Variants in GALNTL6 observed in about 807,000 individuals in gnomAD.
GALNTL6 encodes polypeptide N-acetylgalactosaminyltransferase-like 6.
In GALNTL6, 46 loss-of-function variants were observed where a neutral mutation model predicts 73.7. That is an observed-to-expected ratio of 0.62 (90% CI 0.49 to 0.80). The LOEUF is 0.80. Among genes scored for constraint, GALNTL6 ranks in the 30% least tolerant of loss-of-function variants. GALNTL6 has a pLI of 0.00. For synonymous variants in GALNTL6, 259 were observed against 263.7 expected (o/e 0.98, Z 0.17); for missense variants, 604 against 755.0 (o/e 0.80, Z 2.34).
chr4:171,941,505 A>T (rs1162437454), intron 2 of GALNTL6, among the ~76,000 whole-genome samples: 5 of 152,208 alleles, frequency 3.3e-5, no homozygotes, highest in Non-Finnish European at 5.9e-5. Context: ...ACAGTATGGG[A>T]CACGTTAAAG....
chr4:171,914,573 C>T (rs960677372), intron 2 of GALNTL6, among the ~76,000 whole-genome samples: 1 of 151,096 alleles, frequency 6.6e-6, no homozygotes, highest in African/African-American at 2.4e-5. Context: ...ACACGGGCTA[C>T]CATGCCCAAT....
At chr4:172,330,253 A>T (rs1233089174) in intron 4 of GALNTL6, among the ~76,000 whole-genome samples, 1 of 151,958 alleles carries the variant, frequency 6.6e-6, no homozygotes, top group African/African-American at 2.4e-5. Context: ...CTAAGCCAAG[A>T]CTCCATGTAG....
intron 2 of GALNTL6, among the ~76,000 whole-genome samples, chr4:172,003,766 C>T (rs1213270226): frequency 1.3e-5 from 2 of 152,030 alleles, no homozygotes; most frequent in Non-Finnish European, 2.9e-5. Context: ...CTTTTCATTT[C>T]TGGACCTAGG....
intron 8 of GALNTL6, among the ~76,000 whole-genome samples, chr4:172,923,236 A>AGGTCT (rs1747883081): frequency 6.6e-6 from 1 of 152,204 alleles, no homozygotes; most frequent in Non-Finnish European, 1.5e-5. Context: ...ACAGCTGGGA[A>AGGTCT]GGTCTCAGGA....
chr4:172,515,607 A>T (rs1734577736), intron 5 of GALNTL6, among the ~76,000 whole-genome samples: 1 of 152,246 alleles, frequency 6.6e-6, no homozygotes, highest in Non-Finnish European at 1.5e-5. Context: ...AGAGGATTGA[A>T]CACTGGGTGT....
At chr4:172,295,531 G>GTTTTTTTTTTTTTTTTTTTTTTTT in intron 3 of GALNTL6, among the ~76,000 whole-genome samples, 1 of 73,162 alleles carries the variant, frequency 1.4e-5, no homozygotes, top group Non-Finnish European at 2.4e-5. Flanking sequence ...CTTTTTTTAG[G>GTTTTTTTTTTTTTTTTTTTTTTTT]TTTTTTTTTT....
At chr4:172,800,257 T>A (rs1740556541) in intron 5 of GALNTL6, among the ~76,000 whole-genome samples, 1 of 152,192 alleles carries the variant, frequency 6.6e-6, no homozygotes, top group South Asian at 2.1e-4. Flanking sequence ...ATATTACATG[T>A]ATTTTACTGC....
chr4:172,516,261 A>C (rs1387134849), intron 5 of GALNTL6, among the ~76,000 whole-genome samples: 2 of 152,142 alleles, frequency 1.3e-5, no homozygotes, highest in Non-Finnish European at 2.9e-5. Flanking sequence ...GACCTACTGA[A>C]CCAGAATTTC....
intron 5 of GALNTL6, among the ~76,000 whole-genome samples, chr4:172,808,260 A>G (rs1270623833): frequency 1.3e-5 from 2 of 152,260 alleles, no homozygotes; most frequent in Non-Finnish European, 2.9e-5. Context: ...AGTGAGAATG[A>G]ACCTCTGTGC....
chr4:172,625,704 A>G (rs1385069262), intron 5 of GALNTL6, among the ~76,000 whole-genome samples: 1 of 152,052 alleles, frequency 6.6e-6, no homozygotes, highest in East Asian at 1.9e-4. Flanking sequence ...TGACTTTTTA[A>G]TAATAGCTAT....
At chr4:172,454,116 G>A (rs557300055) in intron 5 of GALNTL6, among the ~76,000 whole-genome samples, 2 of 152,190 alleles carry the variant, frequency 1.3e-5, no homozygotes, top group East Asian at 3.9e-4. Context: ...TTTATTCAAA[G>A]CCCAATGGAA....
intron 12 of GALNTL6, among the ~76,000 whole-genome samples, 178 bp downstream of exon 12, chr4:173,021,803 A>T (rs1168720854): frequency 6.6e-6 from 1 of 151,782 alleles, no homozygotes; most frequent in Non-Finnish European, 1.5e-5. Context: ...GACCAGCCTG[A>T]CCAACATAGC....
At chr4:172,779,408 T>G (rs182273628) in intron 5 of GALNTL6, among the ~76,000 whole-genome samples, 434 of 152,232 alleles carry the variant, frequency 2.9e-3, no homozygotes, top group African/African-American at 0.01. Flanking sequence ...TCAGCGTGCT[T>G]ATCGGCAGGG....
At chr4:172,564,382 T>C (rs1413742398) in intron 5 of GALNTL6, among the ~76,000 whole-genome samples, 1 of 152,240 alleles carries the variant, frequency 6.6e-6, no homozygotes, top group Non-Finnish European at 1.5e-5. Context: ...AGATTCCTTA[T>C]GTGTGACTAG....
At chr4:172,128,223 C>T (rs1303391399) in intron 2 of GALNTL6, among the ~76,000 whole-genome samples, 1 of 152,098 alleles carries the variant, frequency 6.6e-6, no homozygotes, top group Admixed American at 6.6e-5. Flanking sequence ...ATCAAAGATG[C>T]TTCAGTCATG....
At chr4:172,776,336 T>C (rs1579466772) in intron 5 of GALNTL6, among the ~76,000 whole-genome samples, 1 of 151,874 alleles carries the variant, frequency 6.6e-6, no homozygotes, top group Non-Finnish European at 1.5e-5. Context: ...ACCACAGAGG[T>C]TGGTTAATGT....
intron 5 of GALNTL6, among the ~76,000 whole-genome samples, chr4:172,533,199 G>A (rs965521792): frequency 1.3e-5 from 2 of 150,904 alleles, no homozygotes; most frequent in Non-Finnish European, 2.9e-5. Flanking sequence ...TTTCAGTAGA[G>A]ATGGGGTTTT....
At position 172,564,401 on chromosome 4, in the gene GALNTL6, G is replaced by T. The variant is rs1263617819; in HGVS notation, c.553+215712G>T. Among the ~76,000 whole-genome samples, 3 of 152,248 alleles carry T rather than the reference G, an allele frequency of 2.0e-5. No homozygotes were observed. The East Asian group carries it at 5.8e-4, about 29-fold the overall frequency. On this transcript the variant is annotated intron_variant, in intron 5 of 12. Transcript: ENST00000506823. ...TCCTTATGTGTGACTAGTTGAAAAG[G>T]AACAAATGTAAATGATTACACTCAA...
intron 7 of GALNTL6, among the ~76,000 whole-genome samples, chr4:172,879,185 T>A (rs1745336544): frequency 6.6e-6 from 1 of 151,816 alleles, no homozygotes; most frequent in Non-Finnish European, 1.5e-5. Flanking sequence ...AGTCATAGAT[T>A]TCAATACCCC....
Sources: gnomAD v4.1 joint callset for allele counts (sites outside exome capture counted in the v4.1 genomes callset) on GRCh38, gnomAD v4.1.1 for gene constraint, MANE v1.5 for transcripts, NCBI Gene and HGNC (gene_info 2026-07-23, HGNC 2026-07-21) for gene names.